Variants in TRHDE observed in about 807,000 individuals in gnomAD.
The protein encoded by TRHDE is thyrotropin-releasing hormone-degrading ectoenzyme.
A neutral mutation model predicts 125.7 loss-of-function variants in TRHDE; 72 were observed. The ratio of observed to expected loss-of-function variants is 0.57; its 90% confidence interval spans 0.47 to 0.70. The LOEUF is 0.70. Ranked by LOEUF, TRHDE falls within the 30% of genes least tolerant of loss-of-function variation. The pLI is 0.00. For missense variants in TRHDE, 1,110 were observed against 1,327.1 expected, an observed-to-expected ratio of 0.84 and a Z score of 2.54; for synonymous variants, 509 against 509.1, an observed-to-expected ratio of 1.00 and a Z score of 0.00.
chr12:72,226,396 C>T (rs1878128805), intron 2 of TRHDE, among the ~76,000 whole-genome samples: 1 of 152,168 alleles, frequency 6.6e-6, no homozygotes, highest in Admixed American at 6.6e-5. Context: ...TGTTCACATT[C>T]TCATTCCCTT....
intron 3 of TRHDE, among the ~76,000 whole-genome samples, chr12:72,391,582 A>G (rs1872613036): frequency 6.6e-6 from 1 of 152,154 alleles, no homozygotes; most frequent in African/African-American, 2.4e-5. Context: ...ATAGAATAGG[A>G]TGTTTTTAAG....
At chr12:72,201,040 G>T (rs1327070490) in intron 2 of TRHDE, among the ~76,000 whole-genome samples, 1 of 152,150 alleles carries the variant, frequency 6.6e-6, no homozygotes, top group African/African-American at 2.4e-5. Context: ...AAATTCTGGA[G>T]TACTATATGT....
chr12:72,467,470 T>C (rs1876437249), intron 3 of TRHDE, among the ~76,000 whole-genome samples: 1 of 152,198 alleles, frequency 6.6e-6, no homozygotes, highest in South Asian at 2.1e-4. Context: ...GAGTCTAAAA[T>C]GTAGCGGAAG....
intron 3 of TRHDE, among the ~76,000 whole-genome samples, chr12:72,467,545 G>A (rs764988764): frequency 1.3e-5 from 2 of 152,114 alleles, no homozygotes; most frequent in African/African-American, 2.4e-5. Context: ...AGCCAGGCGC[G>A]ATGGCTCAGG....
intron 2 of TRHDE, among the ~76,000 whole-genome samples, chr12:72,161,656 T>C (rs1876640335): frequency 6.6e-6 from 1 of 152,190 alleles, no homozygotes; most frequent in South Asian, 2.1e-4. Flanking sequence ...ACTTTTGTAC[T>C]GGAAGATAAG....
intron 13 of TRHDE, among the ~76,000 whole-genome samples, chr12:72,620,710 C>T (rs545537750): frequency 6.6e-6 from 1 of 151,948 alleles, no homozygotes; most frequent in South Asian, 2.1e-4. Flanking sequence ...ATTAAATATG[C>T]CTTGTTGATA....
chr12:72,441,392 C>G (rs1875003873), intron 3 of TRHDE, among the ~76,000 whole-genome samples: 1 of 151,792 alleles, frequency 6.6e-6, no homozygotes. Context: ...TTTGCTCTTC[C>G]TACCTCCATG....
intron 7 of TRHDE, among the ~76,000 whole-genome samples, chr12:72,550,586 C>G (rs1869628809): frequency 6.6e-6 from 1 of 151,880 alleles, no homozygotes; most frequent in Non-Finnish European, 1.5e-5. Context: ...TGTTACATAG[C>G]TTAGTTTAAT....
intron 6 of TRHDE, among the ~76,000 whole-genome samples, chr12:72,508,889 C>T (rs1219167498): frequency 6.6e-6 from 1 of 152,056 alleles, no homozygotes; most frequent in Admixed American, 6.6e-5. Flanking sequence ...AGCACCTCCC[C>T]CTGCTCTTTT....
chr12:72,185,973 G>A (rs1877199051), intron 2 of TRHDE, among the ~76,000 whole-genome samples: 1 of 152,148 alleles, frequency 6.6e-6, no homozygotes, highest in African/African-American at 2.4e-5. Flanking sequence ...CTAGCTCAGG[G>A]ATTGTAAAAG....
At chr12:72,244,057 T>C (rs1878530244) in intron 2 of TRHDE, among the ~76,000 whole-genome samples, 1 of 152,180 alleles carries the variant, frequency 6.6e-6, no homozygotes, top group Non-Finnish European at 1.5e-5. Context: ...CTTTCCATCA[T>C]CTCACACCAT....
chr12:72,260,231 C>T (rs1038111987), intron 2 of TRHDE, among the ~76,000 whole-genome samples: 1 of 152,098 alleles, frequency 6.6e-6, no homozygotes. Context: ...ATTGTATAGC[C>T]TAAATTGTTT....
At chr12:72,427,508 C>T (rs1268464057) in intron 3 of TRHDE, among the ~76,000 whole-genome samples, 2 of 152,184 alleles carry the variant, frequency 1.3e-5, no homozygotes, top group South Asian at 4.1e-4. Flanking sequence ...AGTCTCAATA[C>T]CGTCTCCCTC....
At chr12:72,185,098 T>C (rs1243033843) in intron 2 of TRHDE, among the ~76,000 whole-genome samples, 1 of 152,154 alleles carries the variant, frequency 6.6e-6, no homozygotes, top group Non-Finnish European at 1.5e-5. Context: ...GCTGGAGTTC[T>C]GGGTGGGCGT....
At chr12:72,378,645 T>A (rs143429013) in intron 3 of TRHDE, among the ~76,000 whole-genome samples, 44 of 152,346 alleles carry the variant, frequency 2.9e-4, no homozygotes, top group African/African-American at 1.0e-3. Context: ...CAGACCTCGA[T>A]GTATGTTATC....
chr12:72,482,712 G>C (rs891752955), intron 5 of TRHDE, among the ~76,000 whole-genome samples: 2 of 151,840 alleles, frequency 1.3e-5, no homozygotes, highest in African/African-American at 4.8e-5. Context: ...TATTTTATAA[G>C]TTTCCTGATT....
At chr12:72,102,081 G>A (rs908198868) in intron 1 of TRHDE, among the ~76,000 whole-genome samples, 1 of 152,190 alleles carries the variant, frequency 6.6e-6, no homozygotes, top group Non-Finnish European at 1.5e-5. Context: ...TTAGAAAGCA[G>A]TAATTAAGCA....
intron 2 of TRHDE, among the ~76,000 whole-genome samples, chr12:72,164,585 C>T (rs1438859372): frequency 6.6e-6 from 1 of 152,156 alleles, no homozygotes; most frequent in Non-Finnish European, 1.5e-5. Context: ...AGTCCAGTGG[C>T]AGTGGGCTGG....
chr12:72,097,212 C>G (rs1050548633), intron 1 of TRHDE, among the ~76,000 whole-genome samples: 4 of 152,112 alleles, frequency 2.6e-5, no homozygotes, highest in Non-Finnish European at 4.4e-5. Flanking sequence ...TTGTGTCTGG[C>G]AGGTGGGTAA....
Sources: allele counts gnomAD v4.1 joint callset (sites outside exome capture counted in the v4.1 genomes callset), GRCh38; gene constraint gnomAD v4.1.1; transcripts MANE v1.5; gene names NCBI Gene and HGNC (gene_info 2026-07-23, HGNC 2026-07-21).